Variants in NDUFV2 observed in about 807,000 individuals in gnomAD.
The protein encoded by NDUFV2 is NADH dehydrogenase [ubiquinone] flavoprotein 2, mitochondrial.
Under a neutral mutation model 31.6 loss-of-function variants are expected in NDUFV2, and 18 were observed. That is an observed-to-expected ratio of 0.57 (90% CI 0.39 to 0.84). The LOEUF (loss-of-function observed/expected upper bound fraction) is 0.84. NDUFV2 is among the 40% of genes least tolerant of loss of function. The probability of loss-of-function intolerance (pLI) is 0.00; values close to 1 mark genes in which losing one functional copy is unlikely to be tolerated. For synonymous variants in NDUFV2, 83 were observed against 99.8 expected (o/e 0.83, Z 1.01); for missense variants, 314 against 303.6 (o/e 1.03, Z -0.26).
At chr18:9,126,730 T>G in intron 6 of NDUFV2, 101 bp from the exon 7 acceptor site, 1 of 1,048,982 alleles carries the variant, frequency 9.5e-7, no homozygotes, top group Non-Finnish European at 1.5e-6. Context: ...AGCCCAGGAG[T>G]TGGAGACCAG....
chr18:9,124,869 T>G lies in NDUFV2; in HGVS notation c.470-5T>G. 1 of 1,610,834 alleles carries G rather than the reference T, an allele frequency of 6.2e-7. No homozygotes were observed. The highest frequency in any genetic ancestry group is 8.5e-7 in the Non-Finnish European group (1 of 1,178,430). ...GGTCCTTAGAGTGTTTATTTGTATT[T>G]TTAGGAATAAAGGTTGGGGAGACTA... is the stretch of plus-strand genomic sequence containing the variant. On this transcript the variant is annotated splice_polypyrimidine_tract_variant and splice_region_variant and intron_variant, in intron 5 of 7. Coordinates refer to ENST00000318388, the MANE Select transcript of NDUFV2 (RefSeq NM_021074.5).
intron 4 of NDUFV2, among the ~76,000 whole-genome samples, chr18:9,120,497 G>A (rs2077927030): frequency 6.6e-6 from 1 of 152,102 alleles, no homozygotes; most frequent in Non-Finnish European, 1.5e-5. Context: ...AGATTTTGTT[G>A]TACTTCATTC....
intron 5 of NDUFV2, 148 bp downstream of exon 5, chr18:9,122,829 C>G (rs1264080973): frequency 1.3e-6 from 1 of 779,360 alleles, no homozygotes; most frequent in Non-Finnish European, 2.1e-6. Context: ...GTTTCCACAT[C>G]TTTATTTCTT....
At chr18:9,121,410 T>C (rs2077934582) in intron 4 of NDUFV2, 1 of 152,184 alleles carries the variant, frequency 6.6e-6, no homozygotes, top group Non-Finnish European at 1.5e-5. Context: ...GCATGTATAT[T>C]TTGATAGAGA....
intron 2 of NDUFV2, 43 bp from the exon 3 acceptor site, chr18:9,119,283 G>T (rs2144741712): frequency 6.9e-7 from 1 of 1,447,282 alleles, no homozygotes; most frequent in Non-Finnish European, 9.7e-7. Context: ...ATTCACACTT[G>T]AGAGAATTTG....
At chr18:9,127,633 G>A (rs552042891) in intron 7 of NDUFV2, among the ~76,000 whole-genome samples, 4 of 151,984 alleles carry the variant, frequency 2.6e-5, no homozygotes, top group African/African-American at 9.7e-5. Flanking sequence ...CACCACGCCC[G>A]GCTAATTTTT....
chr18:9,117,065 CT>C (rs2077901907), intron 1 of NDUFV2, among the ~76,000 whole-genome samples: 1 of 150,740 alleles, frequency 6.6e-6, no homozygotes, highest in Non-Finnish European at 1.5e-5. Context: ...GAGACGGAGC[CT>C]TGCTCTGCTG....
intron 1 of NDUFV2, among the ~76,000 whole-genome samples, chr18:9,110,597 T>C (rs1055397095): frequency 2.0e-5 from 3 of 152,174 alleles, no homozygotes; most frequent in African/African-American, 7.2e-5. Flanking sequence ...AACCTCAACC[T>C]CTTGGGCGCA....
At chr18:9,123,864 T>C (rs1162118895) in intron 5 of NDUFV2, among the ~76,000 whole-genome samples, 1 of 152,242 alleles carries the variant, frequency 6.6e-6, no homozygotes, top group East Asian at 1.9e-4. Flanking sequence ...TGTTGTATGC[T>C]GAGATAGTTT....
At chr18:9,103,204 G>T in intron 1 of NDUFV2, 1 of 399,720 alleles carries the variant, frequency 2.5e-6, no homozygotes, top group South Asian at 1.2e-4. Flanking sequence ...CAGCATACTG[G>T]AGAGCTCTGG....
chr18:9,109,473 A>T (rs2077858830), intron 1 of NDUFV2, among the ~76,000 whole-genome samples: 1 of 152,200 alleles, frequency 6.6e-6, no homozygotes, highest in Non-Finnish European at 1.5e-5. Context: ...GCTTCGTTGG[A>T]TGGTAGTATT....
Position 9,126,917 on chromosome 18 carries a change from A to C in NDUFV2, c.656+10A>C. 6.2e-7 allele frequency: 1 copy of C among 1,609,274 alleles called. No individual in the cohort carries two copies. ...CAAAACCAGGGCCAAGGTATGCTTT[A>C]TTTATATATAGGAAGTTTTAGTGGC... On this transcript the variant is annotated intron_variant, in intron 7 of 7. Coordinates refer to ENST00000318388, the MANE Select transcript of NDUFV2 (RefSeq NM_021074.5).
chr18:9,106,150 G>T (rs1320155592), intron 1 of NDUFV2, among the ~76,000 whole-genome samples: 1 of 152,190 alleles, frequency 6.6e-6, no homozygotes, highest in African/African-American at 2.4e-5. Flanking sequence ...TTCAGCCAGA[G>T]ATTTCCGTAG....
intron 1 of NDUFV2, chr18:9,103,930 G>A: frequency 4.2e-6 from 2 of 474,100 alleles, no homozygotes; most frequent in Non-Finnish European, 7.5e-6. Flanking sequence ...TTTGAGGCTG[G>A]TATTACTTTT....
At chr18:9,113,879 G>A (rs1019142495) in intron 1 of NDUFV2, among the ~76,000 whole-genome samples, 1 of 152,142 alleles carries the variant, frequency 6.6e-6, no homozygotes, top group African/African-American at 2.4e-5. Context: ...GAGTCTTGCC[G>A]AAGCTCCCGG....
At chr18:9,132,033 G>A (rs987270149) in intron 7 of NDUFV2, among the ~76,000 whole-genome samples, 3 of 152,170 alleles carry the variant, frequency 2.0e-5, no homozygotes, top group Non-Finnish European at 4.4e-5. Flanking sequence ...AAGGTACACT[G>A]TGTGAATGGC....
At chr18:9,108,537 A>AT (rs745850003) in intron 1 of NDUFV2, among the ~76,000 whole-genome samples, 4 of 152,120 alleles carry the variant, frequency 2.6e-5, no homozygotes, top group Non-Finnish European at 5.9e-5. Flanking sequence ...GAATAAATGG[A>AT]TTATAGTGTA....
chr18:9,105,372 C>T (rs1318436108), intron 1 of NDUFV2, among the ~76,000 whole-genome samples: 1 of 152,212 alleles, frequency 6.6e-6, no homozygotes, highest in Non-Finnish European at 1.5e-5. Flanking sequence ...CCATCTTAAT[C>T]TCTTTGAGCC....
At chr18:9,118,829 T>TG (rs971921853) in intron 2 of NDUFV2, among the ~76,000 whole-genome samples, 15 of 148,156 alleles carry the variant, frequency 1.0e-4, no homozygotes, top group Non-Finnish European at 1.9e-4. Context: ...TTTTTTTTTT[T>TG]TTTTTTTTTT....
Sources: gnomAD v4.1 joint callset for allele counts (sites outside exome capture counted in the v4.1 genomes callset) on GRCh38, gnomAD v4.1.1 for gene constraint, MANE v1.5 for transcripts, NCBI Gene and HGNC (gene_info 2026-07-23, HGNC 2026-07-21) for gene names.